SPART: variants seen among roughly 807,000 people sequenced by gnomAD.
SPART encodes spartin.
Under a neutral mutation model 58.7 loss-of-function variants are expected in SPART, and 35 were observed. The ratio of observed to expected loss-of-function variants is 0.60; its 90% confidence interval spans 0.46 to 0.79. The LOEUF is 0.79. SPART is among the 30% of genes least tolerant of loss of function. SPART has a pLI of 0.00. For synonymous variants in SPART, 284 were observed against 280.7 expected, an observed-to-expected ratio of 1.01 and a Z score of -0.12; for missense variants, 730 against 786.1, an observed-to-expected ratio of 0.93 and a Z score of 0.85.
In SPART at chr13:36,335,099, A is replaced by G. The variant is rs549885668; in HGVS notation, c.732T>C (p.Tyr244=). The change falls in exon 2 of 9, where the codon TAT becomes TAC. Residue 244 remains tyrosine, a synonymous_variant. Transcript: ENST00000438666. ...NPAGEVSAPS[Y]PGYLRIVRFL... is the part of the protein sequence containing the mutation. ...ACCTCACAATTCGAAGGTACCCAGGATACGAAGGTGCACTAACCTCCCCTG... is the reference window on the plus strand; with the variant it reads ...ACCTCACAATTCGAAGGTACCCAGGGTACGAAGGTGCACTAACCTCCCCTG... 1 of 1,614,188 alleles carries G rather than the reference A, an allele frequency of 6.2e-7. No individual in the cohort carries two copies. The highest frequency in any genetic ancestry group is 1.1e-5 in the South Asian group (1 of 91,082).
chr13:36,349,478 G>A (rs1156372048), upstream of SPART, among the ~76,000 whole-genome samples: 1 of 152,126 alleles, frequency 6.6e-6, no homozygotes. Context: ...TTCTGTTTGG[G>A]TCCTACAGTG....
At chr13:36,331,341 C>T in intron 3 of SPART, 58 bp downstream of exon 3, 1 of 1,428,380 alleles carries the variant, frequency 7.0e-7, no homozygotes, top group Middle Eastern at 1.9e-4. Context: ...TCTCTAAAAG[C>T]TGAAGTGCTT....
chr13:36,368,288 C>A, intron 1 of SPART: 1 of 357,718 alleles, frequency 2.8e-6, no homozygotes, highest in Non-Finnish European at 5.8e-6. Flanking sequence ...AATGAGCTTC[C>A]AAATGAACAC....
intron 1 of SPART, among the ~76,000 whole-genome samples, chr13:36,340,003 G>A (rs962842597): frequency 6.6e-6 from 1 of 152,230 alleles, no homozygotes; most frequent in African/African-American, 2.4e-5. Context: ...AGGAATTCAA[G>A]GCTGCAGTGA....
intron 1 of SPART, among the ~76,000 whole-genome samples, chr13:36,368,954 G>A (rs780071358): frequency 1.3e-5 from 2 of 152,138 alleles, no homozygotes; most frequent in African/African-American, 2.4e-5. Context: ...AGCTGAGATC[G>A]TGCCACTGCA....
At chr13:36,314,554 C>T in intron 5 of SPART, 133 bp from the exon 6 acceptor site, 1 of 910,142 alleles carries the variant, frequency 1.1e-6, no homozygotes, top group Non-Finnish European at 1.7e-6. Flanking sequence ...ATGTCATAAA[C>T]TTTCAAGCTA....
intron 2 of SPART, among the ~76,000 whole-genome samples, chr13:36,332,963 A>C (rs1291906726): frequency 6.6e-6 from 1 of 152,158 alleles, no homozygotes; most frequent in African/African-American, 2.4e-5. Context: ...TAGAGTTGAC[A>C]AAAAAATTGT....
intron 5 of SPART, 154 bp from the exon 6 acceptor site, chr13:36,314,575 T>C: frequency 1.3e-6 from 1 of 762,206 alleles, no homozygotes; most frequent in Non-Finnish European, 2.2e-6. Context: ...ACTTTATACC[T>C]GCAGTTTTCT....
intron 1 of SPART, chr13:36,369,346 G>A (rs973085316): frequency 2.0e-5 from 3 of 152,128 alleles, no homozygotes; most frequent in South Asian, 2.1e-4. Flanking sequence ...CGTATATAGC[G>A]ATCTTAGTAC....
intron 5 of SPART, among the ~76,000 whole-genome samples, chr13:36,318,476 T>C (rs1213507315): frequency 6.6e-6 from 1 of 152,244 alleles, no homozygotes; most frequent in African/African-American, 2.4e-5. Context: ...ATACATTTTA[T>C]TACCCAATCT....
At chr13:36,351,446 C>G (rs1266601978) in intron 1 of SPART, among the ~76,000 whole-genome samples, 2 of 151,964 alleles carry the variant, frequency 1.3e-5, no homozygotes, top group Admixed American at 1.3e-4. Context: ...TAAAGTCTGT[C>G]TTCCTTAAGA....
chr13:36,321,107 C>T (rs899530167), intron 5 of SPART, among the ~76,000 whole-genome samples: 3 of 152,212 alleles, frequency 2.0e-5, no homozygotes, highest in Non-Finnish European at 4.4e-5. Context: ...CGTACAGACG[C>T]TCCTTATTAG....
At chr13:36,317,933 T>G (rs1881911182) in intron 5 of SPART, among the ~76,000 whole-genome samples, 1 of 152,234 alleles carries the variant, frequency 6.6e-6, no homozygotes, top group Non-Finnish European at 1.5e-5. Context: ...GCAAATGGTC[T>G]GAGGTGCCTG....
rs187666872 is a variant in SPART, at chr13:36,332,302, G to A, written c.811-706C>T. Among the ~76,000 whole-genome samples, 32 of 152,282 alleles carry A rather than the reference G, an allele frequency of 2.1e-4. No homozygotes were observed. The East Asian group carries it at 6.2e-3, about 29-fold the overall frequency. On this transcript the variant is annotated intron_variant, in intron 2 of 8. Transcript: ENST00000438666. The stretch of plus-strand genomic sequence containing the variant: ...ATTTGAGGTCAGGAGTTCAAGACCT[G>A]CCTGGACAACATGGTGAAACCCCCA...
Position 36,329,484 on chromosome 13 carries a change from A to G in SPART, c.1042T>C (p.Phe348Leu), listed in dbSNP as rs1291223147. 6.2e-7 allele frequency: 1 copy of G among 1,614,106 alleles called. No homozygotes were observed. Among genetic ancestry groups the G allele is most frequent in the Non-Finnish European group, 8.5e-7 (1 of 1,180,000 alleles). The change falls in exon 4 of 9, where the codon TTC (phenylalanine) becomes CTC (leucine). Residue 348 changes from phenylalanine to leucine, a missense_variant. By Grantham distance (22) the Phe-to-Leu change is conservative. Transcript: ENST00000438666. ...GGTCTAGTTCTTCCAGGGATTTGGA[A>G]TTCATTTTCTTCTTCTGCTCTGTTC... ...NWNRAEEENE[F>L]QIPGRTRPSS...
At chr13:36,352,177 A>G (rs1449958326) in intron 1 of SPART, among the ~76,000 whole-genome samples, 3 of 152,208 alleles carry the variant, frequency 2.0e-5, no homozygotes, top group Non-Finnish European at 4.4e-5. Flanking sequence ...CTTGAACTCT[A>G]CATTATATGA....
upstream of SPART, among the ~76,000 whole-genome samples, chr13:36,347,621 C>G (rs1211661511): frequency 1.3e-5 from 2 of 152,100 alleles, no homozygotes; most frequent in Non-Finnish European, 2.9e-5. Flanking sequence ...AAAGCAAAAC[C>G]TATTAGGAAT....
At chr13:36,321,701 A>G (rs1203335286) in intron 5 of SPART, among the ~76,000 whole-genome samples, 1 of 151,964 alleles carries the variant, frequency 6.6e-6, no homozygotes, top group African/African-American at 2.4e-5. Context: ...CTTCAACACT[A>G]TTTTGTTTTA....
intron 8 of SPART, among the ~76,000 whole-genome samples, chr13:36,310,590 T>C (rs1468055848): frequency 1.3e-5 from 2 of 152,170 alleles, no homozygotes; most frequent in Non-Finnish European, 2.9e-5. Flanking sequence ...CTCTCCCCCA[T>C]GCGGTTGTCT....
Sources: allele counts gnomAD v4.1 joint callset (sites outside exome capture counted in the v4.1 genomes callset), GRCh38; gene constraint gnomAD v4.1.1; transcripts MANE v1.5; gene names NCBI Gene and HGNC (gene_info 2026-07-23, HGNC 2026-07-21).